HMGN5: variants seen among roughly 807,000 people sequenced by gnomAD.
HMGN5 encodes the protein high mobility group nucleosome binding domain 5.
Under a neutral mutation model 9.5 loss-of-function variants are expected in HMGN5, and 4 were observed. That is an observed-to-expected ratio of 0.42 (90% CI 0.21 to 0.96). The LOEUF is 0.96. Among genes scored for constraint, HMGN5 ranks in the 40% least tolerant of loss-of-function variants. HMGN5 has a pLI of 0.30. For missense variants in HMGN5, 192 were observed against 187.5 expected, an observed-to-expected ratio of 1.02 and a Z score of -0.14; for synonymous variants, 55 against 57.1, an observed-to-expected ratio of 0.96 and a Z score of 0.16.
At chrX:81,125,556 T>C (rs1050043575) in intron 1 of HMGN5, among the ~76,000 whole-genome samples, 2 of 111,935 alleles carry the variant, frequency 1.8e-5, no homozygotes, top group African/African-American at 3.2e-5. Context: ...CAAAGACTAA[T>C]AAAATACTGA....
At position 81,115,047 on chromosome X, in the gene HMGN5, C is replaced by T. The variant is rs1413829782; in HGVS notation, c.451G>A (p.Glu151Lys). The T allele has an allele frequency of 1.7e-5, 20 of 1,151,335 alleles. No homozygotes were observed. In the African/African-American group the frequency reaches 3.7e-4, roughly 21 times the overall value. 94.9% of individuals were successfully genotyped at this position (1,151,335 alleles called of 1,213,427 possible). Residue 151 changes from glutamate (E) to lysine (K), a missense_variant, in exon 7 of 7, where the codon GAA (glutamate) becomes AAA (lysine). By Grantham distance (56) the Glu-to-Lys change is moderately conservative. Transcript: ENST00000358130. The part of the protein sequence containing the change: ...KGEAGKEDKD[E>K]KGEEDGKEDK... ...TCTTTTCCATCTTCTTCCCCTTTTT[C>T]ATCTTTGTCTTCTTTTCCAGCTTCC...
At chrX:81,188,466 T>C (rs999966797) in intron 1 of HMGN5, among the ~76,000 whole-genome samples, 1 of 109,790 alleles carries the variant, frequency 9.1e-6, no homozygotes, top group Non-Finnish European at 1.9e-5. Context: ...GTTCATCATT[T>C]AGTCTTTCTA....
intron 1 of HMGN5, among the ~76,000 whole-genome samples, chrX:81,138,339 ATTGT>A (rs1368064557): frequency 9.0e-6 from 1 of 111,428 alleles, no homozygotes; most frequent in African/African-American, 3.3e-5. Context: ...TTTATTTTTA[ATTGT>A]TTGTGGGTAC....
chrX:81,184,314 C>T (rs1199715466), intron 1 of HMGN5, among the ~76,000 whole-genome samples: 2 of 111,667 alleles, frequency 1.8e-5, no homozygotes, highest in African/African-American at 3.3e-5. Flanking sequence ...CCAAGTAAGA[C>T]ATGCTTGCTT....
intron 1 of HMGN5, among the ~76,000 whole-genome samples, chrX:81,147,803 T>C (rs1324468724): frequency 5.4e-5 from 6 of 111,920 alleles, no homozygotes; most frequent in Non-Finnish European, 1.1e-4. Context: ...ACAAAATCGA[T>C]GTGCAAAAAT....
chrX:81,135,005 G>A (rs749003140), intron 1 of HMGN5, among the ~76,000 whole-genome samples: 1 of 111,541 alleles, frequency 9.0e-6, no homozygotes, highest in African/African-American at 3.2e-5. Flanking sequence ...ATGTAAGAGT[G>A]AAAACAATAA....
intron 1 of HMGN5, among the ~76,000 whole-genome samples, chrX:81,178,374 G>A (rs1015742397): frequency 3.6e-5 from 4 of 110,696 alleles, no homozygotes; most frequent in African/African-American, 1.3e-4. Context: ...AGGATAAAGG[G>A]GATATCACCA....
intron 1 of HMGN5, among the ~76,000 whole-genome samples, chrX:81,143,636 C>T (rs1005265654): frequency 3.6e-5 from 4 of 112,287 alleles, no homozygotes; most frequent in Non-Finnish European, 5.6e-5. Context: ...CAGTGCACTC[C>T]GGCCCAGATT....
chrX:81,167,600 C>T (rs2075414613), intron 1 of HMGN5, among the ~76,000 whole-genome samples: 1 of 111,841 alleles, frequency 8.9e-6, no homozygotes. Context: ...TTTTGACCAA[C>T]TGAACTGATT....
At chrX:81,183,363 G>A (rs1192077845) in intron 1 of HMGN5, among the ~76,000 whole-genome samples, 4 of 112,620 alleles carry the variant, frequency 3.6e-5, no homozygotes, top group African/African-American at 1.3e-4. Flanking sequence ...GGCCTAGGAG[G>A]GAAGAATCAT....
At chrX:81,178,586 G>A (rs185501529) in intron 1 of HMGN5, among the ~76,000 whole-genome samples, 1,258 of 111,506 alleles carry the variant, frequency 0.011, 18 homozygotes, top group African/African-American at 0.038. Context: ...AAAAGTCCAG[G>A]AACAGATGGA....
rs148090852 is a variant in HMGN5, at chrX:81,177,367, C to CAAAAAAAAAAA, written c.-124+24359_-124+24369dup. ...GAAGATCTACCAAGCAAATGGAAAG[C>CAAAAAAAAAAA]AAAAAAAAAAAAAAAAAAAAAAAAA... is the stretch of plus-strand genomic sequence containing the variant. On this transcript the variant is annotated intron_variant, in intron 1 of 6. Transcript: ENST00000358130. Among the ~76,000 whole-genome samples the CAAAAAAAAAAA allele has an allele frequency of 1.9e-3, 20 of 10,676 alleles. 3 individuals are homozygous for CAAAAAAAAAAA. The highest frequency in any genetic ancestry group is 2.2e-3 in the Non-Finnish European group (13 of 5,927). The allele number at this position is 10,676 out of a possible 115,157, so 9.3% of individuals were successfully genotyped here.
chrX:81,124,452 C>T (rs1276473377), intron 1 of HMGN5, among the ~76,000 whole-genome samples: 1 of 112,360 alleles, frequency 8.9e-6, no homozygotes, highest in African/African-American at 3.2e-5. Context: ...ATTATTTTAG[C>T]CCTAAGAAAT....
chrX:81,185,799 GT>G lies in HMGN5; in HGVS notation c.-124+15937del, dbSNP rs768324979. On this transcript the variant is annotated intron_variant, in intron 1 of 6. Coordinates refer to ENST00000358130, the MANE Select transcript of HMGN5 (RefSeq NM_030763.3). ...TAAAGGTATGTTGCTTCTATTCCCA[GT>G]TTTTTTAGGGTTTTTATCATGAAGG... Among the ~76,000 whole-genome samples, 14 of 111,045 alleles carry G rather than the reference GT, an allele frequency of 1.3e-4. No individual in the cohort carries two copies. In the East Asian group the frequency reaches 3.4e-3, roughly 27 times the overall value.
chrX:81,143,752 G>A (rs1034446980), intron 1 of HMGN5, among the ~76,000 whole-genome samples: 1 of 112,374 alleles, frequency 8.9e-6, no homozygotes, highest in Non-Finnish European at 1.9e-5. Context: ...AAGATCCACT[G>A]GCTTGAAATT....
chrX:81,157,928 C>T (rs1035409546), intron 1 of HMGN5, among the ~76,000 whole-genome samples: 3 of 109,812 alleles, frequency 2.7e-5, no homozygotes, highest in Admixed American at 9.8e-5. Context: ...TACAGGTGCC[C>T]GCCACCATGC....
chrX:81,170,298 G>A (rs1459769330), intron 1 of HMGN5, among the ~76,000 whole-genome samples: 2 of 111,244 alleles, frequency 1.8e-5, no homozygotes, highest in African/African-American at 6.5e-5. Context: ...GTGATGCACT[G>A]AGTCCATGAA....
intron 1 of HMGN5, among the ~76,000 whole-genome samples, chrX:81,135,452 A>G (rs779833840): frequency 7.1e-5 from 8 of 111,972 alleles, no homozygotes; most frequent in Non-Finnish European, 1.5e-4. Flanking sequence ...AATGTCCACC[A>G]ATGGATAAAT....
intron 1 of HMGN5, among the ~76,000 whole-genome samples, chrX:81,174,536 G>T (rs773455576): frequency 9.0e-6 from 1 of 111,324 alleles, no homozygotes; most frequent in African/African-American, 3.3e-5. Flanking sequence ...TGTCCTCAGG[G>T]AGGCAGTATA....
Sources: allele counts gnomAD v4.1 joint callset (sites outside exome capture counted in the v4.1 genomes callset), GRCh38; gene constraint gnomAD v4.1.1; transcripts MANE v1.5; gene names NCBI Gene and HGNC (gene_info 2026-07-23, HGNC 2026-07-21).